The following MCF2L2 variants were observed in gnomAD, a reference collection of about 807,000 sequenced individuals.
MCF2L2 encodes probable guanine nucleotide exchange factor MCF2L2.
In MCF2L2, 102 loss-of-function variants were observed where a neutral mutation model predicts 150.2. The ratio of observed to expected loss-of-function variants is 0.68; its 90% CI spans 0.58 to 0.80. The LOEUF (loss-of-function observed/expected upper bound fraction) is 0.80, where lower values mean the gene tolerates loss of function less well. Ranked by LOEUF, MCF2L2 falls within the 30% of genes least tolerant of loss-of-function variation. The probability of loss-of-function intolerance (pLI) is 0.00; values close to 1 mark genes in which losing one functional copy is unlikely to be tolerated. For missense variants in MCF2L2, 1,256 were observed against 1,372.8 expected, an observed-to-expected ratio of 0.91 and a Z score of 1.34; for synonymous variants, 465 against 491.3, an observed-to-expected ratio of 0.95 and a Z score of 0.71.
chr3:183,269,230 CTT>C (rs60835895), intron 15 of MCF2L2, among the ~76,000 whole-genome samples: 32 of 80,922 alleles, frequency 4.0e-4, no homozygotes, highest in Admixed American at 5.2e-4. Flanking sequence ...GTTTGGGAAG[CTT>C]TTTTTTTTTT....
intron 3 of MCF2L2, among the ~76,000 whole-genome samples, chr3:183,365,886 T>A (rs1032385595): frequency 6.6e-6 from 1 of 151,916 alleles, no homozygotes; most frequent in Non-Finnish European, 1.5e-5. Flanking sequence ...ACATAAAGAA[T>A]TCTTTAAAAA....
Position 183,336,864 on chromosome 3 carries a change from A to AT in MCF2L2, c.486+1935_486+1936insA, listed in dbSNP as rs1374756288. ...GAGTGAAACTCCATCTCAAAAAAAA[A>AT]ATATATATATATATATATATGGAAT... On this transcript the variant is annotated intron_variant, in intron 5 of 29. Coordinates refer to ENST00000328913, the MANE Select transcript of MCF2L2 (RefSeq NM_015078.4). Among the ~76,000 whole-genome samples the AT allele has an allele frequency of 8.7e-3, 1,213 of 139,420 alleles. 14 individuals are homozygous for AT. The highest frequency in any genetic ancestry group is 0.03 in the African/African-American group (1,152 of 38,230). 91.5% of individuals were successfully genotyped at this position (139,420 alleles called of 152,430 possible). A position where few individuals can be genotyped will look rare whatever the true frequency, so the allele number is the denominator to read the frequency against.
chr3:183,341,143 G>A (rs1418256666), intron 4 of MCF2L2, among the ~76,000 whole-genome samples: 1 of 152,164 alleles, frequency 6.6e-6, no homozygotes, highest in Non-Finnish European at 1.5e-5. Flanking sequence ...AGGCAAAGGG[G>A]GCTGAGACCC....
chr3:183,346,689 A>G (rs1434158154), intron 3 of MCF2L2, among the ~76,000 whole-genome samples: 1 of 152,244 alleles, frequency 6.6e-6, no homozygotes, highest in African/African-American at 2.4e-5. Context: ...AAACTCCTTA[A>G]GCTGATAAGC....
chr3:183,302,729 T>C (rs969648964), intron 10 of MCF2L2, among the ~76,000 whole-genome samples: 3 of 152,126 alleles, frequency 2.0e-5, no homozygotes, highest in East Asian at 1.9e-4. Context: ...CCCTGGGTCA[T>C]GCAGAGCTGA....
At chr3:183,423,666 T>C (rs1402497535) in intron 1 of MCF2L2, among the ~76,000 whole-genome samples, 5 of 137,928 alleles carry the variant, frequency 3.6e-5, no homozygotes, top group African/African-American at 1.3e-4. Flanking sequence ...TGAGACACAG[T>C]CTTGCTCTGT....
At chr3:183,295,216 A>G in intron 13 of MCF2L2, 84 bp downstream of exon 13, 2 of 1,368,346 alleles carry the variant, frequency 1.5e-6, no homozygotes, top group Non-Finnish European at 2.0e-6. Flanking sequence ...AGCGACCATT[A>G]TCCATTGTAG....
chr3:183,344,323 T>C (rs2108544824), intron 3 of MCF2L2, among the ~76,000 whole-genome samples: 1 of 151,984 alleles, frequency 6.6e-6, no homozygotes, highest in South Asian at 2.1e-4. Context: ...ATACTGAAAA[T>C]ATTTGAATAA....
intron 22 of MCF2L2, among the ~76,000 whole-genome samples, chr3:183,213,495 C>T (rs945669624): frequency 6.6e-6 from 1 of 151,578 alleles, no homozygotes; most frequent in Non-Finnish European, 1.5e-5. Flanking sequence ...CTTTATAAAA[C>T]CAGGTTAATA....
At position 183,400,492 on chromosome 3, in the gene MCF2L2, C is replaced by T. The variant is rs16857438; in HGVS notation, c.77-10713G>A. ...TCACACTTCATGCACCAGACCACGA[C>T]TGGATTCCAGGAAACGGCGCCACCT... On this transcript the variant is annotated intron_variant, in intron 1 of 29. Coordinates refer to ENST00000328913, the MANE Select transcript of MCF2L2 (RefSeq NM_015078.4). 2,483 of 456,500 alleles carry T rather than the reference C, an allele frequency of 5.4e-3. 46 individuals are homozygous for T. The highest frequency in any genetic ancestry group is 0.046 in the African/African-American group (2,301 of 50,148). The allele number at this position is 456,500 out of a possible 1,614,324, so 28.3% of individuals were successfully genotyped here.
At chr3:183,395,406 AAAG>A (rs796867006) in intron 1 of MCF2L2, among the ~76,000 whole-genome samples, 13 of 152,370 alleles carry the variant, frequency 8.5e-5, no homozygotes, top group African/African-American at 2.9e-4. Flanking sequence ...GTGTATGAGA[AAAG>A]AATATATGAA....
At chr3:183,295,215 T>C (rs1728425913) in intron 13 of MCF2L2, 85 bp downstream of exon 13, 1 of 1,361,394 alleles carries the variant, frequency 7.3e-7, no homozygotes, top group Non-Finnish European at 1.0e-6. Flanking sequence ...CAGCGACCAT[T>C]ATCCATTGTA....
chr3:183,338,991 C>A, intron 4 of MCF2L2, 72 bp from the exon 5 acceptor site: 2 of 1,435,000 alleles, frequency 1.4e-6, no homozygotes, highest in Admixed American at 2.1e-5. Flanking sequence ...CTACTTTGGT[C>A]TCCCCTTGCC....
intron 3 of MCF2L2, among the ~76,000 whole-genome samples, chr3:183,369,470 A>C (rs1712733981): frequency 1.3e-5 from 2 of 152,246 alleles, no homozygotes; most frequent in South Asian, 4.1e-4. Context: ...GATCATGCTA[A>C]TGCTGCCATT....
At chr3:183,279,747 T>C (rs1348304171) in intron 14 of MCF2L2, among the ~76,000 whole-genome samples, 5 of 152,292 alleles carry the variant, frequency 3.3e-5, no homozygotes, top group African/African-American at 7.2e-5. Context: ...AATACAACAA[T>C]TGGCTGGGCA....
chr3:183,230,909 T>C (rs753745596), intron 16 of MCF2L2, 42 bp downstream of exon 16: 1 of 1,463,448 alleles, frequency 6.8e-7, no homozygotes, highest in Non-Finnish European at 9.6e-7. Flanking sequence ...ACATCTGCAG[T>C]TTGAATATAT....
chr3:183,287,356 TCA>T (rs1559998099), intron 14 of MCF2L2: 2,084 of 152,300 alleles, frequency 0.014, 61 homozygotes, highest in African/African-American at 0.048. Context: ...TGAGTTCACA[TCA>T]CGGCGTGAGT....
At chr3:183,346,300 C>G (rs1355460605) in intron 3 of MCF2L2, among the ~76,000 whole-genome samples, 1 of 152,148 alleles carries the variant, frequency 6.6e-6, no homozygotes, top group African/African-American at 2.4e-5. Flanking sequence ...TAAACAGAAC[C>G]AAAGACAAAA....
At chr3:183,205,987 T>C (rs146558854) in intron 24 of MCF2L2, 33 bp from the exon 25 acceptor site, 211 of 1,586,798 alleles carry the variant, frequency 1.3e-4, no homozygotes, top group Non-Finnish European at 1.7e-4. Flanking sequence ...ACTATAAGAC[T>C]ACCATGAGTA....
Sources: allele counts gnomAD v4.1 joint callset (sites outside exome capture counted in the v4.1 genomes callset), GRCh38; gene constraint gnomAD v4.1.1; transcripts MANE v1.5; gene names NCBI Gene and HGNC (gene_info 2026-07-23, HGNC 2026-07-21).